NAV3: variants seen among roughly 807,000 people sequenced by gnomAD.
NAV3 encodes the protein pore membrane and/or filament interacting like protein 1.
A neutral mutation model predicts 244.7 loss-of-function variants in NAV3; 87 were observed. That is an observed-to-expected ratio of 0.36 (90% confidence interval 0.30 to 0.42). The LOEUF (loss-of-function observed/expected upper bound fraction) is 0.42, where lower values mean the gene tolerates loss of function less well. Among genes scored for constraint, NAV3 ranks in the 20% least tolerant of loss-of-function variants. The pLI is 1.00. For synonymous variants in NAV3, 1,126 were observed against 1,042.2 expected, an observed-to-expected ratio of 1.08 and a Z score of -1.55; for missense variants, 2,663 against 2,893.3, an observed-to-expected ratio of 0.92 and a Z score of 1.83.
chr12:77,823,229 G>A (rs1195517222), intron 2 of NAV3, among the ~76,000 whole-genome samples: 1 of 152,040 alleles, frequency 6.6e-6, no homozygotes. Flanking sequence ...TAAAATTTTG[G>A]AGCCAAAGTA....
intron 8 of NAV3, among the ~76,000 whole-genome samples, chr12:78,012,163 C>T (rs1764304676): frequency 6.6e-6 from 1 of 152,088 alleles, no homozygotes; most frequent in South Asian, 2.1e-4. Context: ...TTTCAATGAC[C>T]CCTTCTCCAT....
intron 1 of NAV3, among the ~76,000 whole-genome samples, chr12:77,901,119 A>G (rs1415781788): frequency 1.3e-5 from 2 of 152,162 alleles, no homozygotes; most frequent in Non-Finnish European, 2.9e-5. Flanking sequence ...GATTCTGGAT[A>G]TTAGGCCTTT....
intron 1 of NAV3, among the ~76,000 whole-genome samples, chr12:77,905,527 C>G (rs986073889): frequency 1.3e-5 from 2 of 151,990 alleles, no homozygotes; most frequent in African/African-American, 4.8e-5. Context: ...ATCTTTGGTG[C>G]CATAACTTAC....
rs576295728 is a variant in NAV3, at chr12:78,109,096, A to G, written c.2637-7676A>G. Among the ~76,000 whole-genome samples the G allele has an allele frequency of 8.5e-5, 13 of 152,162 alleles. No homozygotes were observed. The East Asian group carries it at 2.3e-3, about 27-fold the overall frequency. On this transcript the variant is annotated intron_variant, in intron 12 of 39. Transcript: ENST00000397909. ...AAGGAAAAAGAATATCCAAATAAAC[A>G]CAATCAAAAACGATAAAGGAGACAT...
At chr12:77,722,223 T>C (rs943574909) in intron 2 of NAV3, among the ~76,000 whole-genome samples, 6 of 152,104 alleles carry the variant, frequency 3.9e-5, no homozygotes, top group African/African-American at 1.4e-4. Context: ...CAATCGTGTT[T>C]GGTAGTATTT....
chr12:77,940,357 A>G lies in NAV3; in HGVS notation c.282A>G (p.Ser94=), dbSNP rs1889749858. The G allele has an allele frequency of 1.9e-6, 3 of 1,613,910 alleles. No homozygotes were observed. The highest frequency in any genetic ancestry group is 2.5e-6 in the Non-Finnish European group (3 of 1,179,828). The change falls in exon 2 of 40, where the codon TCA becomes TCG. Residue 94 remains serine, a synonymous_variant. Transcript: ENST00000397909. ...GGGCCAACCACTACCTAGCAAAATC[A>G]GGCCACAAGCGGCTGATCAAGGACT... The part of the protein sequence containing the change: ...TDWANHYLAK[S]GHKRLIKDLQ...
At chr12:78,109,354 A>G (rs1199025053) in intron 12 of NAV3, among the ~76,000 whole-genome samples, 1 of 152,074 alleles carries the variant, frequency 6.6e-6, no homozygotes, top group Non-Finnish European at 1.5e-5. Context: ...AAATAGCATC[A>G]CAGCCTAATT....
intron 7 of NAV3, among the ~76,000 whole-genome samples, chr12:78,001,764 T>G (rs1206101217): frequency 6.6e-6 from 1 of 152,242 alleles, no homozygotes; most frequent in African/African-American, 2.4e-5. Flanking sequence ...AACGTTACAA[T>G]GGGATGCACT....
intron 12 of NAV3, among the ~76,000 whole-genome samples, chr12:78,063,586 A>G (rs1315834875): frequency 6.6e-6 from 1 of 152,186 alleles, no homozygotes; most frequent in East Asian, 1.9e-4. Context: ...CCTCAGTTTA[A>G]TGGTAAGAGA....
chr12:77,610,447 C>T (rs973334556), intron 2 of NAV3, among the ~76,000 whole-genome samples: 1 of 152,014 alleles, frequency 6.6e-6, no homozygotes, highest in African/African-American at 2.4e-5. Context: ...AAATAGAAAG[C>T]AGCTACTCTG....
chr12:77,664,292 A>G (rs1002320115), intron 2 of NAV3, among the ~76,000 whole-genome samples: 1 of 152,206 alleles, frequency 6.6e-6, no homozygotes, highest in African/African-American at 2.4e-5. Context: ...ATATCAGAAC[A>G]GTTTTCTAGT....
intron 2 of NAV3, among the ~76,000 whole-genome samples, chr12:77,693,295 G>A (rs529420352): frequency 6.6e-6 from 1 of 152,178 alleles, no homozygotes; most frequent in South Asian, 2.1e-4. Context: ...GATACCTGTA[G>A]CCCATGACCA....
intron 1 of NAV3, among the ~76,000 whole-genome samples, chr12:77,903,871 G>T (rs1341667933): frequency 6.6e-6 from 1 of 152,184 alleles, no homozygotes; most frequent in African/African-American, 2.4e-5. Context: ...AGACATTTAT[G>T]CAGCCAAAAG....
In NAV3 at chr12:78,021,880, T is replaced by A. The variant is rs1877213935; in HGVS notation, c.2023+18T>A. The A allele has an allele frequency of 6.8e-7, 1 of 1,477,780 alleles. No individual in the cohort carries two copies. Among genetic ancestry groups the A allele is most frequent in the South Asian group, 1.2e-5 (1 of 85,908 alleles). 91.5% of individuals were successfully genotyped at this position (1,477,780 alleles called of 1,614,324 possible). On this transcript the variant is annotated intron_variant, in intron 9 of 39. Coordinates refer to ENST00000397909, the MANE Select transcript of NAV3 (RefSeq NM_001024383.2). The stretch of plus-strand genomic sequence containing the variant: ...GATATCTGGTAAGTGACCTCATCGA[T>A]GCATAGGTCAAACCTAGGAATTTCC...
chr12:77,658,654 A>C (rs1321205380), intron 2 of NAV3, among the ~76,000 whole-genome samples: 1 of 152,156 alleles, frequency 6.6e-6, no homozygotes, highest in East Asian at 1.9e-4. Context: ...TTGCCAAGTC[A>C]ATCCTAAGCC....
At chr12:78,201,072 CTT>C (rs549973376) in intron 38 of NAV3, among the ~76,000 whole-genome samples, 34,724 of 89,834 alleles carry the variant, frequency 0.39, 5,689 homozygotes, top group Middle Eastern at 0.52. Context: ...TCTTCTCCTT[CTT>C]TTTTTTTTTT....
intron 3 of NAV3, among the ~76,000 whole-genome samples, chr12:77,957,738 C>T (rs945561453): frequency 3.3e-5 from 5 of 151,858 alleles, no homozygotes; most frequent in African/African-American, 1.2e-4. Context: ...GATCTCGGCT[C>T]GCTGCAACCT....
At chr12:77,617,421 G>T (rs1038636474) in intron 2 of NAV3, among the ~76,000 whole-genome samples, 5 of 152,124 alleles carry the variant, frequency 3.3e-5, no homozygotes, top group East Asian at 3.9e-4. Flanking sequence ...TACTTGTCCT[G>T]GGGAGATTCC....
intron 2 of NAV3, among the ~76,000 whole-genome samples, chr12:77,614,857 A>G (rs1360524746): frequency 1.3e-5 from 2 of 152,192 alleles, no homozygotes; most frequent in African/African-American, 4.8e-5. Flanking sequence ...GGATGTCATC[A>G]TTATCTTTAT....
Sources: allele counts gnomAD v4.1 joint callset (sites outside exome capture counted in the v4.1 genomes callset), GRCh38; gene constraint gnomAD v4.1.1; transcripts MANE v1.5; gene names NCBI Gene and HGNC (gene_info 2026-07-23, HGNC 2026-07-21).